DGKB: variants seen among roughly 807,000 people sequenced by gnomAD.
DGKB encodes diacylglycerol kinase beta.
DGKB carries 67 observed loss-of-function variants against 114.3 expected under a neutral mutation model. The observed-to-expected ratio is 0.59, with a 90% CI of 0.48 to 0.72. DGKB has a LOEUF of 0.72. Ranked by LOEUF, DGKB falls within the 30% of genes least tolerant of loss-of-function variation. The probability of loss-of-function intolerance (pLI) is 0.00; values close to 1 mark genes in which losing one functional copy is unlikely to be tolerated. For missense variants in DGKB, 907 were observed against 975.2 expected, an observed-to-expected ratio of 0.93 and a Z score of 0.93; for synonymous variants, 398 against 323.1, an observed-to-expected ratio of 1.23 and a Z score of -2.49.
chr7:14,468,666 G>C (rs77224935), intron 21 of DGKB, among the ~76,000 whole-genome samples: 8,211 of 150,212 alleles, frequency 0.055, 851 homozygotes, highest in African/African-American at 0.19. Context: ...GAAAGTTTGC[G>C]TGTAGGCATA....
chr7:14,672,154 T>A (rs530257900), intron 13 of DGKB, among the ~76,000 whole-genome samples: 18 of 152,204 alleles, frequency 1.2e-4, no homozygotes, highest in African/African-American at 4.1e-4. Flanking sequence ...TAGAAAAGTA[T>A]TTTTCTATCA....
chr7:14,273,965 T>C (rs976341750), intron 23 of DGKB, among the ~76,000 whole-genome samples: 14 of 152,220 alleles, frequency 9.2e-5, no homozygotes, highest in African/African-American at 3.4e-4. Context: ...CTTTTGAGGA[T>C]TTTAAATTAT....
chr7:14,651,552 G>C (rs2128899689), intron 13 of DGKB, among the ~76,000 whole-genome samples: 1 of 145,490 alleles, frequency 6.9e-6, no homozygotes, highest in South Asian at 2.3e-4. Flanking sequence ...ATACTGAATG[G>C]GCAAAAACTG....
intron 23 of DGKB, among the ~76,000 whole-genome samples, chr7:14,277,172 T>A (rs1481763197): frequency 4.8e-5 from 3 of 62,416 alleles, no homozygotes; most frequent in Non-Finnish European, 1.4e-4. Flanking sequence ...ATTTTCTTAG[T>A]TTATTTTATT....
At chr7:14,858,597 G>A (rs1419633392) in intron 1 of DGKB, among the ~76,000 whole-genome samples, 2 of 152,098 alleles carry the variant, frequency 1.3e-5, no homozygotes, top group Non-Finnish European at 2.9e-5. Flanking sequence ...TAATTACTGG[G>A]TCTGCAGAAG....
At chr7:14,857,226 C>G (rs1311629720) in intron 1 of DGKB, among the ~76,000 whole-genome samples, 1 of 128,520 alleles carries the variant, frequency 7.8e-6, no homozygotes, top group Non-Finnish European at 1.6e-5. Context: ...CTCTCTCTCT[C>G]TCTCTTCCAC....
chr7:14,588,923 GA>G (rs1418110489), intron 17 of DGKB, among the ~76,000 whole-genome samples: 1 of 151,898 alleles, frequency 6.6e-6, no homozygotes, highest in African/African-American at 2.4e-5. Flanking sequence ...ATAATAGTAA[GA>G]AAAACCAATC....
intron 6 of DGKB, among the ~76,000 whole-genome samples, chr7:14,708,586 A>C (rs935993932): frequency 2.6e-5 from 4 of 151,418 alleles, no homozygotes; most frequent in Non-Finnish European, 4.4e-5. Flanking sequence ...TACAGTAACC[A>C]AAACAGCATG....
intron 23 of DGKB, among the ~76,000 whole-genome samples, chr7:14,277,052 G>A (rs534050225): frequency 2.6e-5 from 4 of 152,086 alleles, no homozygotes; most frequent in African/African-American, 9.6e-5. Context: ...TCACTCTACT[G>A]TGCAATAGAT....
chr7:14,829,633 A>T (rs1846146254), intron 2 of DGKB, among the ~76,000 whole-genome samples: 1 of 152,154 alleles, frequency 6.6e-6, no homozygotes, highest in Non-Finnish European at 1.5e-5. Context: ...GATTGCGTGA[A>T]GCAATCCTTA....
chr7:14,416,424 T>G (rs994460178), intron 21 of DGKB, among the ~76,000 whole-genome samples: 1 of 152,100 alleles, frequency 6.6e-6, no homozygotes, highest in Non-Finnish European at 1.5e-5. Flanking sequence ...TCAAATTGAT[T>G]TATATTATGG....
At chr7:14,205,996 T>C (rs1786742920) in intron 23 of DGKB, among the ~76,000 whole-genome samples, 1 of 152,068 alleles carries the variant, frequency 6.6e-6, no homozygotes, top group Non-Finnish European at 1.5e-5. Flanking sequence ...ATTTCTGGTA[T>C]ACAATACCAA....
intron 6 of DGKB, among the ~76,000 whole-genome samples, chr7:14,713,485 C>T (rs781694663): frequency 1.2e-4 from 18 of 151,932 alleles, no homozygotes; most frequent in African/African-American, 3.1e-4. Context: ...GAGAGATTTT[C>T]GCCTTTTATT....
rs1782709370 is a variant in DGKB, at chr7:14,899,844, T to C, written c.-188+2748A>G. ...ATATGCTCAACCCCACCCTGATCCA[T>C]AGTAGAGTACCATTTTAATTTTTTT... On this transcript the variant is annotated intron_variant, in intron 1 of 25. Transcript: ENST00000402815. 5.9e-5 allele frequency among the ~76,000 whole-genome samples: 9 copies of C among 152,164 alleles called. No homozygotes were observed. The South Asian group carries it at 1.9e-3, about 31-fold the overall frequency.
At chr7:14,645,613 G>A (rs542478578) in intron 13 of DGKB, among the ~76,000 whole-genome samples, 1 of 151,944 alleles carries the variant, frequency 6.6e-6, no homozygotes, top group East Asian at 1.9e-4. Flanking sequence ...TCACATACAA[G>A]GGAGTCCCCA....
intron 25 of DGKB, among the ~76,000 whole-genome samples, chr7:14,153,082 T>A (rs548014443): frequency 6.6e-6 from 1 of 152,088 alleles, no homozygotes; most frequent in Non-Finnish European, 1.5e-5. Flanking sequence ...ATTCCCCAGA[T>A]ATTTGTGTTC....
At chr7:14,852,920 T>C (rs1383551671) in intron 1 of DGKB, among the ~76,000 whole-genome samples, 3 of 152,182 alleles carry the variant, frequency 2.0e-5, no homozygotes, top group Non-Finnish European at 1.5e-5. Flanking sequence ...ATAATACATA[T>C]TCTGACTTTG....
intron 2 of DGKB, among the ~76,000 whole-genome samples, chr7:14,787,046 G>T (rs1348542830): frequency 3.9e-5 from 6 of 152,142 alleles, no homozygotes; most frequent in Admixed American, 3.9e-4. Context: ...GGGACAACCT[G>T]CCAGTAGATA....
intron 23 of DGKB, among the ~76,000 whole-genome samples, chr7:14,201,698 G>A (rs188630369): frequency 4.8e-4 from 73 of 152,096 alleles, no homozygotes; most frequent in Non-Finnish European, 8.5e-4. Flanking sequence ...TGTGGACTCT[G>A]TGGGACATCC....
Sources: gnomAD v4.1 joint callset for allele counts (sites outside exome capture counted in the v4.1 genomes callset) on GRCh38, gnomAD v4.1.1 for gene constraint, MANE v1.5 for transcripts, NCBI Gene and HGNC (gene_info 2026-07-23, HGNC 2026-07-21) for gene names.